Variants in SORCS3 observed in about 807,000 individuals in gnomAD.
SORCS3 encodes the protein sortilin related VPS10 domain containing receptor 3, also known as VPS10 domain-containing receptor SorCS3.
A neutral mutation model predicts 146.3 loss-of-function variants in SORCS3; 57 were observed. That is an observed-to-expected ratio of 0.39 (90% confidence interval 0.31 to 0.49). The LOEUF is 0.49. Among genes scored for constraint, SORCS3 ranks in the 20% least tolerant of loss-of-function variants. The pLI, the probability that SORCS3 is intolerant of heterozygous loss-of-function variation, is 0.92. For synonymous variants in SORCS3, 653 were observed against 618.5 expected, an observed-to-expected ratio of 1.06 and a Z score of -0.83; for missense variants, 1,341 against 1,575.5, an observed-to-expected ratio of 0.85 and a Z score of 2.52.
intron 2 of SORCS3, among the ~76,000 whole-genome samples, chr10:104,877,886 A>AGTT (rs2018592745): frequency 6.6e-6 from 1 of 152,178 alleles, no homozygotes; most frequent in Admixed American, 6.5e-5. Context: ...TTATAAAACT[A>AGTT]GTTTTCTTAT....
chr10:105,145,235 G>C (rs1399544064), intron 8 of SORCS3, among the ~76,000 whole-genome samples: 1 of 152,082 alleles, frequency 6.6e-6, no homozygotes. Flanking sequence ...TTAAGATTAG[G>C]TTTAAATTAA....
chr10:105,217,239 A>C, intron 19 of SORCS3, 117 bp downstream of exon 19: 2 of 915,206 alleles, frequency 2.2e-6, no homozygotes, highest in African/African-American at 1.6e-5. Flanking sequence ...ACAATTACCC[A>C]AACCAAATGG....
At chr10:104,886,715 TC>T (rs1263443598) in intron 2 of SORCS3, among the ~76,000 whole-genome samples, 3 of 152,316 alleles carry the variant, frequency 2.0e-5, no homozygotes, top group Admixed American at 6.5e-5. Context: ...CTACTTGCCA[TC>T]TTTTTATGTT....
intron 7 of SORCS3, among the ~76,000 whole-genome samples, chr10:105,129,395 A>G (rs2133771233): frequency 7.0e-6 from 1 of 143,078 alleles, no homozygotes; most frequent in African/African-American, 2.6e-5. Flanking sequence ...AAGGAACAGA[A>G]CCATTTTTGA....
At chr10:104,865,089 T>G (rs1054291697) in intron 2 of SORCS3, among the ~76,000 whole-genome samples, 3 of 152,212 alleles carry the variant, frequency 2.0e-5, no homozygotes, top group African/African-American at 7.2e-5. Context: ...TTACATCTTA[T>G]GTAGGGGTTA....
At chr10:105,255,419 A>G (rs1189379418) in intron 23 of SORCS3, among the ~76,000 whole-genome samples, 2 of 152,092 alleles carry the variant, frequency 1.3e-5, no homozygotes, top group Non-Finnish European at 2.9e-5. Context: ...ACATGTATAC[A>G]TGTGTAACTA....
intron 20 of SORCS3, among the ~76,000 whole-genome samples, chr10:105,229,380 G>T (rs2056754153): frequency 6.6e-6 from 1 of 152,032 alleles, no homozygotes; most frequent in Admixed American, 6.6e-5. Flanking sequence ...TGTTACTGGA[G>T]AATTATTGTG....
intron 1 of SORCS3, among the ~76,000 whole-genome samples, chr10:104,682,021 T>C (rs556325982): frequency 2.6e-5 from 4 of 152,218 alleles, no homozygotes; most frequent in Non-Finnish European, 4.4e-5. Context: ...GCAGTCTCCA[T>C]GAAGACAGAT....
At chr10:104,667,999 G>C (rs1214197457) in intron 1 of SORCS3, among the ~76,000 whole-genome samples, 1 of 152,156 alleles carries the variant, frequency 6.6e-6, no homozygotes, top group Admixed American at 6.5e-5. Context: ...TTTCAGGAGT[G>C]TTTGCCACTT....
intron 8 of SORCS3, among the ~76,000 whole-genome samples, chr10:105,140,169 A>G (rs2119448841): frequency 6.6e-6 from 1 of 152,274 alleles, no homozygotes; most frequent in South Asian, 2.1e-4. Context: ...CTCAGGTTGG[A>G]CACATATCAG....
At chr10:104,684,777 G>GTGTT (rs2133268350) in intron 1 of SORCS3, among the ~76,000 whole-genome samples, 1 of 110,472 alleles carries the variant, frequency 9.1e-6, no homozygotes, top group South Asian at 3.4e-4. Context: ...AAAGTCCTCA[G>GTGTT]TGTTTTTTTT....
At chr10:105,131,879 C>T (rs1407065104) in intron 7 of SORCS3, among the ~76,000 whole-genome samples, 5 of 152,134 alleles carry the variant, frequency 3.3e-5, no homozygotes, top group African/African-American at 9.7e-5. Context: ...CTAAACCATT[C>T]ATGAGACATC....
chr10:105,086,813 C>G (rs190438981), intron 5 of SORCS3, among the ~76,000 whole-genome samples: 14 of 152,250 alleles, frequency 9.2e-5, no homozygotes, highest in African/African-American at 3.4e-4. Flanking sequence ...GATATTAGAC[C>G]TTTGTCAGAT....
chr10:104,888,360 T>C (rs1039442501), intron 2 of SORCS3, among the ~76,000 whole-genome samples: 13 of 152,342 alleles, frequency 8.5e-5, no homozygotes, highest in Middle Eastern at 3.4e-3. Context: ...ATCCAAGAAA[T>C]TGGGCTTCAT....
At chr10:104,931,166 G>A (rs140879666) in intron 3 of SORCS3, among the ~76,000 whole-genome samples, 114 of 152,158 alleles carry the variant, frequency 7.5e-4, no homozygotes, top group Admixed American at 8.5e-4. Flanking sequence ...AAGAAACTGA[G>A]TCTCAGGGGG....
chr10:105,166,779 A>G (rs1215242594), intron 12 of SORCS3, among the ~76,000 whole-genome samples: 1 of 152,148 alleles, frequency 6.6e-6, no homozygotes, highest in Non-Finnish European at 1.5e-5. Context: ...TATTAGTTTT[A>G]CCATAGTGGG....
chr10:105,035,594 AG>A (rs1183647404), intron 4 of SORCS3, among the ~76,000 whole-genome samples: 1 of 151,672 alleles, frequency 6.6e-6, no homozygotes, highest in African/African-American at 2.4e-5. Context: ...CAGCCTCCTG[AG>A]TAGCTGGGAC....
chr10:104,939,575 A>G (rs1175453943), intron 3 of SORCS3, among the ~76,000 whole-genome samples: 1 of 152,164 alleles, frequency 6.6e-6, no homozygotes, highest in African/African-American at 2.4e-5. Flanking sequence ...TTGGAGAGAC[A>G]TTTTTAATCC....
chr10:105,011,237 G>T (rs923377189), intron 4 of SORCS3, among the ~76,000 whole-genome samples: 11 of 152,078 alleles, frequency 7.2e-5, no homozygotes, highest in Admixed American at 5.2e-4. Flanking sequence ...AAAGTATCTA[G>T]TTCAATGAGT....
Sources: gnomAD v4.1 joint callset for allele counts (sites outside exome capture counted in the v4.1 genomes callset) on GRCh38, gnomAD v4.1.1 for gene constraint, MANE v1.5 for transcripts, NCBI Gene and HGNC (gene_info 2026-07-23, HGNC 2026-07-21) for gene names.